Variants in ULK4 observed in about 807,000 individuals in gnomAD.
ULK4 encodes the protein inactive serine/threonine-protein kinase ULK4.
Under a neutral mutation model 160.6 loss-of-function variants are expected in ULK4, and 133 were observed. The ratio of observed to expected loss-of-function variants is 0.83; its 90% CI spans 0.72 to 0.96. ULK4 has a LOEUF of 0.96. Among genes scored for constraint, ULK4 ranks in the 40% least tolerant of loss-of-function variants. ULK4 has a pLI of 0.00. For missense variants in ULK4, 1,580 were observed against 1,499.5 expected (o/e 1.05, Z -0.89); for synonymous variants, 534 against 539.8 (o/e 0.99, Z 0.15).
intron 21 of ULK4, among the ~76,000 whole-genome samples, chr3:41,773,581 C>G (rs1379910615): frequency 2.0e-5 from 3 of 152,108 alleles, no homozygotes; most frequent in Non-Finnish European, 4.4e-5. Flanking sequence ...AGGATACAAA[C>G]AAATGGAAGA....
At chr3:41,929,507 G>C (rs1489055435) in intron 5 of ULK4, among the ~76,000 whole-genome samples, 2 of 152,168 alleles carry the variant, frequency 1.3e-5, no homozygotes, top group East Asian at 3.8e-4. Flanking sequence ...TCAGGCAAGA[G>C]AAAGAAATAA....
chr3:41,317,061 C>CTTTTTTTT (rs1170201981), intron 35 of ULK4, among the ~76,000 whole-genome samples: 23 of 92,144 alleles, frequency 2.5e-4, no homozygotes, highest in Admixed American at 7.3e-4. Context: ...GCAATTACAT[C>CTTTTTTTT]TATTTTTTTT....
At chr3:41,701,733 C>T (rs1382641195) in intron 27 of ULK4, among the ~76,000 whole-genome samples, 2 of 152,072 alleles carry the variant, frequency 1.3e-5, no homozygotes, top group Non-Finnish European at 2.9e-5. Context: ...AGAAACAAAA[C>T]AAGATAGACT....
intron 32 of ULK4, among the ~76,000 whole-genome samples, chr3:41,512,186 A>T (rs1371332857): frequency 6.6e-6 from 1 of 152,212 alleles, no homozygotes; most frequent in Non-Finnish European, 1.5e-5. Context: ...CTCAACAGGG[A>T]AAAGTTGAAA....
intron 35 of ULK4, among the ~76,000 whole-genome samples, chr3:41,328,226 G>A (rs1027949318): frequency 6.6e-6 from 1 of 152,124 alleles, no homozygotes; most frequent in African/African-American, 2.4e-5. Context: ...CAATCTCTGG[G>A]CACTTTGAGT....
intron 32 of ULK4, among the ~76,000 whole-genome samples, chr3:41,519,705 G>A (rs2085866722): frequency 6.6e-6 from 1 of 152,148 alleles, no homozygotes; most frequent in African/African-American, 2.4e-5. Context: ...TATTCATTTT[G>A]CATTGGTAAA....
chr3:41,675,820 C>T (rs2035693627), intron 29 of ULK4, among the ~76,000 whole-genome samples: 1 of 152,156 alleles, frequency 6.6e-6, no homozygotes, highest in Admixed American at 6.5e-5. Context: ...CCTCAGGGCA[C>T]CTGAAGGAAC....
At chr3:41,377,866 AT>A (rs2081543935) in intron 35 of ULK4, among the ~76,000 whole-genome samples, 1 of 149,536 alleles carries the variant, frequency 6.7e-6, no homozygotes, top group African/African-American at 2.5e-5. Context: ...CAGCCATCCC[AT>A]TACTGGGTAT....
chr3:41,827,883 T>C (rs961203319), intron 18 of ULK4, among the ~76,000 whole-genome samples: 16 of 152,112 alleles, frequency 1.1e-4, no homozygotes, highest in African/African-American at 3.1e-4. Context: ...CGATGAACAC[T>C]GATGCAAAAA....
At chr3:41,311,184 T>A (rs2080041463) in intron 35 of ULK4, among the ~76,000 whole-genome samples, 1 of 152,128 alleles carries the variant, frequency 6.6e-6, no homozygotes, top group African/African-American at 2.4e-5. Flanking sequence ...ATGGACATTA[T>A]CATGGTTAAT....
intron 34 of ULK4, among the ~76,000 whole-genome samples, chr3:41,450,223 T>C (rs1340728741): frequency 6.6e-6 from 1 of 152,198 alleles, no homozygotes; most frequent in Non-Finnish European, 1.5e-5. Context: ...CCTTGCTTTA[T>C]CTTTCCTTCA....
At chr3:41,794,890 C>A (rs1486239801) in intron 20 of ULK4, among the ~76,000 whole-genome samples, 1 of 151,748 alleles carries the variant, frequency 6.6e-6, no homozygotes, top group Non-Finnish European at 1.5e-5. Flanking sequence ...GGTCCTGAGG[C>A]AGAAAAATAC....
At chr3:41,794,681 A>G (rs1399236144) in intron 20 of ULK4, among the ~76,000 whole-genome samples, 2 of 130,158 alleles carry the variant, frequency 1.5e-5, no homozygotes, top group Non-Finnish European at 3.2e-5. Context: ...AAAAAAAAAA[A>G]AAAAACACAG....
At chr3:41,480,725 A>G (rs1386148541) in intron 32 of ULK4, among the ~76,000 whole-genome samples, 1 of 152,162 alleles carries the variant, frequency 6.6e-6, no homozygotes, top group African/African-American at 2.4e-5. Context: ...TTTATAAAGG[A>G]AAGAGGTTTA....
intron 35 of ULK4, among the ~76,000 whole-genome samples, chr3:41,353,841 G>A (rs2080973784): frequency 1.3e-5 from 2 of 151,944 alleles, no homozygotes; most frequent in African/African-American, 2.4e-5. Context: ...AATGCTAGAT[G>A]AAGTAACAGA....
At chr3:41,563,271 C>G (rs2087665802) in intron 32 of ULK4, among the ~76,000 whole-genome samples, 1 of 152,204 alleles carries the variant, frequency 6.6e-6, no homozygotes. Context: ...CCCGACCTTT[C>G]TCTCTGGCTG....
chr3:41,647,409 A>T (rs2034546782), intron 30 of ULK4, among the ~76,000 whole-genome samples: 1 of 152,074 alleles, frequency 6.6e-6, no homozygotes, highest in Non-Finnish European at 1.5e-5. Flanking sequence ...TTTCCTTCTA[A>T]CAGACAGGAC....
At chr3:41,856,860 G>A (rs1397446780) in intron 17 of ULK4, among the ~76,000 whole-genome samples, 1 of 151,766 alleles carries the variant, frequency 6.6e-6, no homozygotes, top group East Asian at 1.9e-4. Context: ...AGTGAGCCCA[G>A]ACTGCCCAAC....
At chr3:41,571,699 A>C (rs865812201) in intron 31 of ULK4, among the ~76,000 whole-genome samples, 2 of 152,220 alleles carry the variant, frequency 1.3e-5, no homozygotes, top group African/African-American at 4.8e-5. Context: ...CTATTTCATC[A>C]TTAGATGCTC....
Sources: gnomAD v4.1 joint callset for allele counts (sites outside exome capture counted in the v4.1 genomes callset) on GRCh38, gnomAD v4.1.1 for gene constraint, MANE v1.5 for transcripts, NCBI Gene and HGNC (gene_info 2026-07-23, HGNC 2026-07-21) for gene names.